MAGI1: variants seen among roughly 807,000 people sequenced by gnomAD.
The protein encoded by MAGI1 is membrane associated guanylate kinase, WW and PDZ domain containing 1, also known as membrane-associated guanylate kinase, WW and PDZ domain-containing protein 1.
A neutral mutation model predicts 139.9 loss-of-function variants in MAGI1; 58 were observed. That is an observed-to-expected ratio of 0.41 (90% CI 0.34 to 0.52). The LOEUF (loss-of-function observed/expected upper bound fraction) is 0.52. Among genes scored for constraint, MAGI1 ranks in the 20% least tolerant of loss-of-function variants. The probability of loss-of-function intolerance (pLI) is 0.12; values close to 1 mark genes in which losing one functional copy is unlikely to be tolerated. For synonymous variants in MAGI1, 812 were observed against 737.9 expected, an observed-to-expected ratio of 1.10 and a Z score of -1.63; for missense variants, 1,874 against 1,901.6, an observed-to-expected ratio of 0.99 and a Z score of 0.27.
At position 65,638,949 on chromosome 3, in the gene MAGI1, A is replaced by G. The variant is rs377508247; in HGVS notation, c.314-16861T>C. ...CTTTTAGTAGAGACAAGGTTGTGCT[A>G]TGTTGCCCAGGCTGGTCTCAAAATC... On this transcript the variant is annotated intron_variant, in intron 1 of 22. Transcript: ENST00000402939. Among the ~76,000 whole-genome samples the G allele has an allele frequency of 1.3e-4, 20 of 151,856 alleles. No individual in the cohort carries two copies. In the South Asian group the frequency reaches 4.0e-3, roughly 30 times the overall value.
At chr3:65,835,709 T>G (rs1383174119) in intron 1 of MAGI1, among the ~76,000 whole-genome samples, 1 of 152,240 alleles carries the variant, frequency 6.6e-6, no homozygotes, top group Non-Finnish European at 1.5e-5. Context: ...ACAAGAAATC[T>G]AAACTATTTA....
chr3:65,366,850 T>C (rs1941463540), intron 18 of MAGI1, among the ~76,000 whole-genome samples: 1 of 152,212 alleles, frequency 6.6e-6, no homozygotes, highest in Non-Finnish European at 1.5e-5. Flanking sequence ...TTCGTATATT[T>C]TAATGACGCT....
At chr3:65,407,329 C>A (rs368155117) in intron 12 of MAGI1, among the ~76,000 whole-genome samples, 1 of 152,016 alleles carries the variant, frequency 6.6e-6, no homozygotes, top group African/African-American at 2.4e-5. Context: ...TACCTGTAAT[C>A]CCAGCTACTC....
At chr3:65,662,960 T>C (rs1480636018) in intron 1 of MAGI1, among the ~76,000 whole-genome samples, 2 of 152,070 alleles carry the variant, frequency 1.3e-5, no homozygotes, top group South Asian at 2.1e-4. Context: ...CCACCTTCAG[T>C]TGTGAGCAGG....
intron 1 of MAGI1, among the ~76,000 whole-genome samples, chr3:65,680,783 G>GAT (rs1278022202): frequency 2.2e-5 from 3 of 136,272 alleles, no homozygotes; most frequent in Admixed American, 6.7e-5. Flanking sequence ...GATATGATAT[G>GAT]ATATGATATG....
intron 1 of MAGI1, among the ~76,000 whole-genome samples, chr3:65,834,411 G>T (rs1281098244): frequency 6.6e-6 from 1 of 152,152 alleles, no homozygotes; most frequent in Non-Finnish European, 1.5e-5. Flanking sequence ...TTCTCTTATT[G>T]ATTTCTACTT....
chr3:66,016,009 G>T (rs1335457359), intron 1 of MAGI1, among the ~76,000 whole-genome samples: 2 of 152,130 alleles, frequency 1.3e-5, no homozygotes, highest in African/African-American at 4.8e-5. Context: ...ATATAATTTG[G>T]TCCAACAAAT....
intron 1 of MAGI1, among the ~76,000 whole-genome samples, chr3:65,802,667 C>T (rs762112370): frequency 2.0e-5 from 3 of 152,144 alleles, no homozygotes; most frequent in Non-Finnish European, 4.4e-5. Flanking sequence ...CCTGTAACAT[C>T]TATCAAGTAC....
intron 1 of MAGI1, among the ~76,000 whole-genome samples, chr3:65,636,623 T>G (rs2107198170): frequency 6.6e-6 from 1 of 152,228 alleles, no homozygotes; most frequent in East Asian, 1.9e-4. Flanking sequence ...AATGATCATT[T>G]TTTTCTTGAC....
chr3:65,379,523 TG>T lies in MAGI1; in HGVS notation c.2732del (p.Pro911GlnfsTer14). 6.2e-7 allele frequency: 1 copy of T among 1,611,742 alleles called. No individual in the cohort carries two copies. Among genetic ancestry groups the T allele is most frequent in the Non-Finnish European group, 8.5e-7 (1 of 1,178,166 alleles). ...GGTTGCTACTGTGATGAGAGGAGGC[TG>T]GCGAGGGCACCTCGTTCTCGGTTTT... Reference protein sequence around the residue: ...VPKTENEVPSPASSHHSSNQP... With the variant: ...VPKTENEVPSXASSHHSSNQP... On this transcript the variant is annotated frameshift_variant, in exon 17 of 23. Coordinates refer to ENST00000402939, the MANE Select transcript of MAGI1 (RefSeq NM_001033057.2). LOFTEE classifies it high-confidence loss of function.
rs571766504 is a variant in MAGI1, at chr3:65,959,201, T to C, written c.313+78795A>G. 8.5e-5 allele frequency among the ~76,000 whole-genome samples: 13 copies of C among 152,260 alleles called. No individual in the cohort carries two copies. In the South Asian group the frequency reaches 2.7e-3, roughly 32 times the overall value. ...TTCCTTTGGTTAAATTCCAAAAATA[T>C]CTCAGGCTCACCTCAAGCTTACTGC... On this transcript the variant is annotated intron_variant, in intron 1 of 22. Transcript: ENST00000402939.
intron 1 of MAGI1, among the ~76,000 whole-genome samples, chr3:66,030,775 C>T (rs752231251): frequency 1.2e-4 from 18 of 152,154 alleles, no homozygotes; most frequent in Non-Finnish European, 2.5e-4. Flanking sequence ...CTTCGGCTTT[C>T]ACTCAGATAC....
chr3:65,677,963 A>T (rs1033696353), intron 1 of MAGI1, among the ~76,000 whole-genome samples: 2 of 152,258 alleles, frequency 1.3e-5, no homozygotes, highest in African/African-American at 4.8e-5. Flanking sequence ...ACAATGTGGC[A>T]CATATACACC....
intron 1 of MAGI1, among the ~76,000 whole-genome samples, chr3:66,032,382 TTTG>T (rs2068659200): frequency 7.2e-6 from 1 of 139,028 alleles, no homozygotes; most frequent in South Asian, 2.3e-4. Flanking sequence ...GGCTAATTTT[TTTG>T]TTTTTTTTTT....
chr3:65,481,650 A>C (rs1367129541), intron 3 of MAGI1, among the ~76,000 whole-genome samples: 1 of 152,224 alleles, frequency 6.6e-6, no homozygotes, highest in Non-Finnish European at 1.5e-5. Flanking sequence ...TATATGCATA[A>C]TTTCCTAACC....
chr3:65,824,880 A>G (rs910162049), intron 1 of MAGI1, among the ~76,000 whole-genome samples: 3 of 152,224 alleles, frequency 2.0e-5, no homozygotes, highest in African/African-American at 7.2e-5. Flanking sequence ...ACCAGACACC[A>G]AAGCATCTGT....
chr3:65,957,563 C>A (rs920746559), intron 1 of MAGI1, among the ~76,000 whole-genome samples: 47 of 149,492 alleles, frequency 3.1e-4, no homozygotes, highest in Admixed American at 1.0e-3. Flanking sequence ...GAATGAACTA[C>A]AGCTACATGC....
intron 1 of MAGI1, among the ~76,000 whole-genome samples, chr3:65,782,821 G>A (rs1216814525): frequency 6.6e-6 from 1 of 151,242 alleles, no homozygotes; most frequent in Admixed American, 6.6e-5. Context: ...CAACCTTTGA[G>A]CCAGACACTA....
chr3:65,676,226 G>C (rs2087181006), intron 1 of MAGI1, among the ~76,000 whole-genome samples: 1 of 152,076 alleles, frequency 6.6e-6, no homozygotes, highest in Non-Finnish European at 1.5e-5. Flanking sequence ...AAAGAAATGA[G>C]ACTTACGCAC....
Sources: gnomAD v4.1 joint callset for allele counts (sites outside exome capture counted in the v4.1 genomes callset) on GRCh38, gnomAD v4.1.1 for gene constraint, MANE v1.5 for transcripts, NCBI Gene and HGNC (gene_info 2026-07-23, HGNC 2026-07-21) for gene names.